The following STK32B variants were observed in gnomAD, a reference collection of about 807,000 sequenced individuals.
STK32B encodes the protein serine/threonine-protein kinase 32B.
In STK32B, 43 loss-of-function variants were observed where a neutral mutation model predicts 52.6. That is an observed-to-expected ratio of 0.82 (90% CI 0.64 to 1.05). The LOEUF (loss-of-function observed/expected upper bound fraction) is 1.05, where lower values mean the gene tolerates loss of function less well. Among genes scored for constraint, STK32B ranks in the 50% least tolerant of loss-of-function variants. The pLI is 0.00. For missense variants in STK32B, 621 were observed against 534.6 expected (o/e 1.16, Z -1.59); for synonymous variants, 238 against 204.3 (o/e 1.17, Z -1.41).
chr4:5,435,172 C>T (rs947126338), intron 6 of STK32B, among the ~76,000 whole-genome samples: 2 of 152,228 alleles, frequency 1.3e-5, no homozygotes, highest in African/African-American at 4.8e-5. Context: ...CAGGGTTGGC[C>T]ATTCCCCTTA....
the STK32B span, among the ~76,000 whole-genome samples, chr4:5,046,238 C>G: frequency 2.0e-5 from 3 of 152,160 alleles, no homozygotes. Context: ...TAATTTTCGA[C>G]AAACGTGACA....
At chr4:5,088,304 C>T (rs193011729) in intron 1 of STK32B, among the ~76,000 whole-genome samples, 2 of 151,874 alleles carry the variant, frequency 1.3e-5, no homozygotes, top group African/African-American at 4.8e-5. Flanking sequence ...CAATTGAACT[C>T]ATGGACATAG....
rs996375649 is a variant in STK32B, at chr4:5,398,593, G to A, written c.472+349G>A. Among the ~76,000 whole-genome samples, 1 of 152,168 alleles carries A rather than the reference G, an allele frequency of 6.6e-6. No homozygotes were observed. Among genetic ancestry groups the A allele is most frequent in the Admixed American group, 6.5e-5 (1 of 15,282 alleles). ...AAGTCACCCACCTCTCTGAGCCTCAGTGTAATTTTCTGTAAACTGGGGAGA... is the reference window on the plus strand; with the variant it reads ...AAGTCACCCACCTCTCTGAGCCTCAATGTAATTTTCTGTAAACTGGGGAGA... On this transcript the variant is annotated intron_variant, in intron 5 of 11. Transcript: ENST00000282908. The surrounding 1 kb of genome is among the most constrained non-coding windows in gnomAD (Gnocchi z 4.9).
At chr4:5,150,926 G>C (rs1577109598) in intron 2 of STK32B, among the ~76,000 whole-genome samples, 1 of 152,134 alleles carries the variant, frequency 6.6e-6, no homozygotes. Flanking sequence ...CCACGACAAA[G>C]TTAGCATCAC....
chr4:5,491,899 A>C (rs143961292), intron 11 of STK32B, among the ~76,000 whole-genome samples: 1,763 of 152,034 alleles, frequency 0.012, 25 homozygotes, highest in African/African-American at 0.039. Flanking sequence ...AGATATGCGG[A>C]GTTATTTCTG....
At chr4:5,267,733 G>A (rs183344794) in intron 3 of STK32B, among the ~76,000 whole-genome samples, 5 of 152,264 alleles carry the variant, frequency 3.3e-5, no homozygotes, top group East Asian at 1.9e-4. Context: ...CCGAGAGTGC[G>A]GGGGAAGGAA....
At chr4:5,303,266 C>G (rs922594900) in intron 3 of STK32B, among the ~76,000 whole-genome samples, 5 of 152,098 alleles carry the variant, frequency 3.3e-5, no homozygotes, top group African/African-American at 1.2e-4. Context: ...ACACTGTTTT[C>G]CATACTGGTT....
At chr4:5,202,327 G>A (rs1006539525) in intron 3 of STK32B, among the ~76,000 whole-genome samples, 1 of 152,234 alleles carries the variant, frequency 6.6e-6, no homozygotes, top group Admixed American at 6.5e-5. Context: ...GGGCCGCTCT[G>A]CCCCTGTGGC....
At chr4:5,101,431 T>C (rs561590753) in intron 1 of STK32B, among the ~76,000 whole-genome samples, 1 of 152,190 alleles carries the variant, frequency 6.6e-6, no homozygotes, top group South Asian at 2.1e-4. Context: ...AGAAAATTAC[T>C]TCTTTTGTCA....
At chr4:5,343,450 C>A (rs1363888689) in intron 4 of STK32B, among the ~76,000 whole-genome samples, 1 of 152,074 alleles carries the variant, frequency 6.6e-6, no homozygotes, top group East Asian at 1.9e-4. Flanking sequence ...ATTTATAATC[C>A]TTTGGCTATA....
intron 3 of STK32B, among the ~76,000 whole-genome samples, chr4:5,294,430 G>C (rs1363871658): frequency 6.6e-6 from 1 of 152,016 alleles, no homozygotes; most frequent in Non-Finnish European, 1.5e-5. Context: ...CCATTTGTTT[G>C]TGTCCTCTCT....
intron 3 of STK32B, among the ~76,000 whole-genome samples, chr4:5,330,705 C>A (rs1297281247): frequency 6.6e-6 from 1 of 152,112 alleles, no homozygotes; most frequent in Non-Finnish European, 1.5e-5. Context: ...TTCCAAGAGG[C>A]AAAAATTAGA....
chr4:5,437,298 G>A (rs1278747459), intron 6 of STK32B, among the ~76,000 whole-genome samples: 1 of 152,246 alleles, frequency 6.6e-6, no homozygotes, highest in Non-Finnish European at 1.5e-5. Context: ...AGTTGTGGAG[G>A]CTGAAAGTCC....
intron 3 of STK32B, among the ~76,000 whole-genome samples, chr4:5,307,644 T>G (rs1730017215): frequency 6.6e-6 from 1 of 152,076 alleles, no homozygotes; most frequent in South Asian, 2.1e-4. Flanking sequence ...GGCAATTCAT[T>G]TGGATCTATT....
intron 1 of STK32B, among the ~76,000 whole-genome samples, chr4:5,119,922 C>T (rs1244136717): frequency 1.3e-5 from 2 of 152,198 alleles, no homozygotes; most frequent in East Asian, 1.9e-4. Context: ...CATAGGCATT[C>T]GGGACTCAAG....
intron 3 of STK32B, among the ~76,000 whole-genome samples, chr4:5,208,025 T>TA (rs1311713538): frequency 2.0e-4 from 31 of 152,280 alleles, no homozygotes; most frequent in African/African-American, 6.3e-4. Flanking sequence ...TATGCTGCAG[T>TA]AAAAAACAAC....
intron 3 of STK32B, among the ~76,000 whole-genome samples, chr4:5,231,220 T>C (rs1724242302): frequency 6.6e-6 from 1 of 152,156 alleles, no homozygotes; most frequent in African/African-American, 2.4e-5. Flanking sequence ...AGGGAAGAGA[T>C]CGTACATGTC....
At chr4:5,098,975 C>T (rs1355564200) in intron 1 of STK32B, among the ~76,000 whole-genome samples, 1 of 152,174 alleles carries the variant, frequency 6.6e-6, no homozygotes, top group Non-Finnish European at 1.5e-5. Flanking sequence ...AAACAACATA[C>T]ATTTATTTTC....
At chr4:5,028,221 C>T in the STK32B span, among the ~76,000 whole-genome samples, 1 of 152,178 alleles carries the variant, frequency 6.6e-6, no homozygotes, top group Admixed American at 6.5e-5. Flanking sequence ...GCAGCCTCAA[C>T]CTCATGGGCT....
Sources: gnomAD v4.1 joint callset for allele counts (sites outside exome capture counted in the v4.1 genomes callset) on GRCh38, gnomAD v4.1.1 for gene constraint, Gnocchi (gnomAD v3.1) non-coding constraint, MANE v1.5 for transcripts, NCBI Gene and HGNC (gene_info 2026-07-23, HGNC 2026-07-21) for gene names.